MBD5: variants seen among roughly 807,000 people sequenced by gnomAD.
MBD5 encodes methyl-CpG binding domain protein 5.
Under a neutral mutation model 117.3 loss-of-function variants are expected in MBD5, and 13 were observed. That is an observed-to-expected ratio of 0.11 (90% CI 0.07 to 0.18). MBD5 has a LOEUF of 0.18. MBD5 is among the 10% of genes least tolerant of loss of function. MBD5 has a pLI of 1.00. For missense variants in MBD5, 1,879 were observed against 2,093.8 expected (o/e 0.90, Z 2.00); for synonymous variants, 727 against 766.4 (o/e 0.95, Z 0.85).
At chr2:148,461,605 T>C (rs1413903994) in intron 5 of MBD5, among the ~76,000 whole-genome samples, 1 of 152,200 alleles carries the variant, frequency 6.6e-6, no homozygotes, top group Non-Finnish European at 1.5e-5. Flanking sequence ...AAGGTTTTGG[T>C]AAATAGTCAT....
intron 4 of MBD5, among the ~76,000 whole-genome samples, chr2:148,400,204 T>C (rs566106720): frequency 1.3e-5 from 2 of 152,318 alleles, no homozygotes; most frequent in Admixed American, 1.3e-4. Context: ...AATCCTTTTT[T>C]AACTTTTTCT....
intron 4 of MBD5, among the ~76,000 whole-genome samples, chr2:148,420,545 C>G (rs962531662): frequency 2.6e-5 from 4 of 152,186 alleles, no homozygotes; most frequent in African/African-American, 9.7e-5. Context: ...TTATTCTTCT[C>G]TGCCTCACCT....
intron 1 of MBD5, among the ~76,000 whole-genome samples, chr2:148,143,088 A>C (rs984938168): frequency 6.6e-6 from 1 of 152,198 alleles, no homozygotes; most frequent in Non-Finnish European, 1.5e-5. Flanking sequence ...AAGTCAACCA[A>C]TAGGGTTTAA....
At chr2:148,490,715 G>A (rs1553520701) in intron 11 of MBD5, 121 bp downstream of exon 11, 1 of 1,232,710 alleles carries the variant, frequency 8.1e-7, no homozygotes, top group Admixed American at 2.0e-5. Context: ...GACTCATTGA[G>A]GTCTCACAAG....
chr2:148,023,322 T>TA (rs1240089343), intron 1 of MBD5, among the ~76,000 whole-genome samples: 1 of 152,150 alleles, frequency 6.6e-6, no homozygotes, highest in Admixed American at 6.5e-5. Flanking sequence ...AGCTAAAACA[T>TA]ATATTTTAGT....
intron 4 of MBD5, among the ~76,000 whole-genome samples, chr2:148,349,591 A>G (rs1425962058): frequency 5.3e-5 from 8 of 151,996 alleles, no homozygotes; most frequent in African/African-American, 1.9e-4. Flanking sequence ...ATATGACAGC[A>G]GGAAACTGAG....
intron 8 of MBD5, among the ~76,000 whole-genome samples, chr2:148,472,819 C>G (rs547034211): frequency 6.6e-6 from 1 of 152,208 alleles, no homozygotes; most frequent in East Asian, 1.9e-4. Context: ...CGTCAAGTAC[C>G]TTTTATGTAC....
chr2:148,278,350 A>T (rs1351562204), intron 3 of MBD5, among the ~76,000 whole-genome samples: 1 of 152,130 alleles, frequency 6.6e-6, no homozygotes, highest in Non-Finnish European at 1.5e-5. Flanking sequence ...TTTTTAGTGC[A>T]GGGTTGTATA....
At chr2:148,297,879 A>G (rs1182335310) in intron 3 of MBD5, among the ~76,000 whole-genome samples, 1 of 152,126 alleles carries the variant, frequency 6.6e-6, no homozygotes, top group Non-Finnish European at 1.5e-5. Flanking sequence ...TCTATTCTCA[A>G]TAAAGTCAGT....
At chr2:148,224,760 T>TA (rs1699777623) in intron 2 of MBD5, among the ~76,000 whole-genome samples, 1 of 149,622 alleles carries the variant, frequency 6.7e-6, no homozygotes, top group African/African-American at 2.4e-5. Flanking sequence ...CATATGTATT[T>TA]AAAATTGTTT....
At chr2:148,362,896 C>T (rs918468882) in intron 4 of MBD5, among the ~76,000 whole-genome samples, 7 of 152,082 alleles carry the variant, frequency 4.6e-5, no homozygotes, top group Admixed American at 3.9e-4. Flanking sequence ...AGCAAAGGGG[C>T]CTGACTGTTA....
At chr2:148,243,853 A>T (rs958657103) in intron 3 of MBD5, 1 of 152,056 alleles carries the variant, frequency 6.6e-6, no homozygotes, top group African/African-American at 2.4e-5. Flanking sequence ...TCACACATAG[A>T]TAAGTATAGA....
chr2:148,209,692 G>A (rs1414295800), intron 2 of MBD5, among the ~76,000 whole-genome samples: 1 of 151,982 alleles, frequency 6.6e-6, no homozygotes, highest in Non-Finnish European at 1.5e-5. Flanking sequence ...TATAAGCATG[G>A]CACCAACATC....
chr2:148,492,987 A>G (rs1681576731), intron 11 of MBD5, among the ~76,000 whole-genome samples: 1 of 151,128 alleles, frequency 6.6e-6, no homozygotes, highest in Admixed American at 6.6e-5. Flanking sequence ...AATGTTGGAT[A>G]AAGCCTTACA....
intron 3 of MBD5, among the ~76,000 whole-genome samples, chr2:148,246,763 CAAA>C (rs71406014): frequency 1.0e-4 from 7 of 70,132 alleles, no homozygotes; most frequent in South Asian, 6.3e-4. Flanking sequence ...GACTCCATCT[CAAA>C]AAAAAAAAAA....
chr2:148,389,542 A>C (rs2140606), intron 4 of MBD5, among the ~76,000 whole-genome samples: 77,915 of 151,238 alleles, frequency 0.52, 20,270 homozygotes, highest in East Asian at 0.75. Context: ...AATTTGCATT[A>C]CCACCAACAG....
intron 4 of MBD5, among the ~76,000 whole-genome samples, chr2:148,437,463 T>A (rs1706187841): frequency 6.6e-6 from 1 of 151,972 alleles, no homozygotes; most frequent in Non-Finnish European, 1.5e-5. Context: ...TTCTGAAACA[T>A]CAAATTCCCT....
chr2:148,511,987 T>G (rs1214008560), intron 13 of MBD5, among the ~76,000 whole-genome samples: 1 of 152,152 alleles, frequency 6.6e-6, no homozygotes, highest in Non-Finnish European at 1.5e-5. Flanking sequence ...TGACATAAGG[T>G]TGGCCAGGGT....
intron 4 of MBD5, among the ~76,000 whole-genome samples, chr2:148,419,983 C>G (rs1330157544): frequency 6.6e-6 from 1 of 152,114 alleles, no homozygotes; most frequent in African/African-American, 2.4e-5. Context: ...TTTAGTCCTT[C>G]TCTATTCATC....
Sources: gnomAD v4.1 joint callset for allele counts (sites outside exome capture counted in the v4.1 genomes callset) on GRCh38, gnomAD v4.1.1 for gene constraint, MANE v1.5 for transcripts, NCBI Gene and HGNC (gene_info 2026-07-23, HGNC 2026-07-21) for gene names.